The following CPS1 variants were observed in gnomAD, a reference collection of about 807,000 sequenced individuals.
CPS1 encodes carbamoyl-phosphate synthase 1.
A neutral mutation model predicts 174.6 loss-of-function variants in CPS1; 109 were observed. That is an observed-to-expected ratio of 0.62 (90% CI 0.53 to 0.73). The LOEUF (loss-of-function observed/expected upper bound fraction) is 0.73. CPS1 is among the 30% of genes least tolerant of loss of function. The probability of loss-of-function intolerance (pLI) is 0.00; values close to 1 mark genes in which losing one functional copy is unlikely to be tolerated. For missense variants in CPS1, 1,689 were observed against 1,821.9 expected (o/e 0.93, Z 1.33); for synonymous variants, 637 against 632.0 (o/e 1.01, Z -0.12).
At chr2:210,541,649 C>G (rs567485387) in intron 1 of CPS1, among the ~76,000 whole-genome samples, 1 of 152,106 alleles carries the variant, frequency 6.6e-6, no homozygotes, top group Non-Finnish European at 1.5e-5. Flanking sequence ...AAAAACAAAG[C>G]AAAAAGAAAA....
Position 210,656,765 on chromosome 2 carries a change from C to G in CPS1, c.3666+133C>G, listed in dbSNP as rs556445756. 4.3e-6 allele frequency: 3 copies of G among 700,384 alleles called. No homozygotes were observed. In the South Asian group the frequency reaches 4.9e-5, roughly 12 times the overall value. 43.4% of individuals were successfully genotyped at this position (700,384 alleles called of 1,614,324 possible). Reference sequence around the variant, plus strand: ...AGGTTAAATTTAATGATGAGGCTAACTTCCTTGCTCTGAGTCACCTGGGTA... The same window carrying G: ...AGGTTAAATTTAATGATGAGGCTAAGTTCCTTGCTCTGAGTCACCTGGGTA... On this transcript the variant is annotated intron_variant, in intron 30 of 37. Transcript: ENST00000233072.
chr2:210,623,968 T>C (rs981028275), intron 21 of CPS1, among the ~76,000 whole-genome samples: 5 of 152,118 alleles, frequency 3.3e-5, no homozygotes, highest in African/African-American at 1.2e-4. Context: ...ACAATGTATA[T>C]TTTCTGGTAG....
At chr2:210,608,596 TCA>T in intron 19 of CPS1, 37 bp downstream of exon 19, 1 of 1,597,382 alleles carries the variant, frequency 6.3e-7, no homozygotes, top group Non-Finnish European at 8.6e-7. Context: ...CTTCTTGTTC[TCA>T]GTTATTTTGT....
At chr2:210,571,545 T>TACA (rs1697486520) in intron 1 of CPS1, among the ~76,000 whole-genome samples, 1 of 151,924 alleles carries the variant, frequency 6.6e-6, no homozygotes. Context: ...CTAACATAGT[T>TACA]TTGTGTGTAA....
intron 1 of CPS1, among the ~76,000 whole-genome samples, chr2:210,480,683 C>T (rs1156658416): frequency 6.6e-6 from 1 of 152,196 alleles, no homozygotes; most frequent in Non-Finnish European, 1.5e-5. Flanking sequence ...CAGACACACA[C>T]ATACAAAATC....
chr2:210,569,031 TACTC>T (rs746354734), intron 1 of CPS1, among the ~76,000 whole-genome samples: 8 of 152,078 alleles, frequency 5.3e-5, no homozygotes, highest in Non-Finnish European at 1.0e-4. Flanking sequence ...TTCTGCTAAA[TACTC>T]AGTTGATTAT....
intron 32 of CPS1, 127 bp downstream of exon 32, chr2:210,660,782 T>C: frequency 1.1e-6 from 1 of 932,564 alleles, no homozygotes; most frequent in Non-Finnish European, 1.7e-6. Context: ...GATTTACATT[T>C]CCTTTCAATA....
chr2:210,523,402 A>G (rs1160206158), intron 1 of CPS1, among the ~76,000 whole-genome samples: 1 of 151,938 alleles, frequency 6.6e-6, no homozygotes, highest in Non-Finnish European at 1.5e-5. Context: ...TTTTTTGCGT[A>G]ATGGTGCAAT....
intron 28 of CPS1, among the ~76,000 whole-genome samples, chr2:210,653,488 A>C (rs1700617934): frequency 6.6e-6 from 1 of 152,202 alleles, no homozygotes; most frequent in Non-Finnish European, 1.5e-5. Context: ...GAAGTGGCAT[A>C]AGACAAATCA....
chr2:210,627,550 G>C (rs1378751054), intron 21 of CPS1, among the ~76,000 whole-genome samples: 1 of 152,114 alleles, frequency 6.6e-6, no homozygotes, highest in East Asian at 1.9e-4. Context: ...CCTTTATGGG[G>C]CATAAAGCCT....
intron 1 of CPS1, among the ~76,000 whole-genome samples, chr2:210,527,851 C>A (rs1165572563): frequency 1.3e-5 from 2 of 151,670 alleles, no homozygotes; most frequent in Admixed American, 6.6e-5. Flanking sequence ...GGCAGTCATA[C>A]AGCTTTAAAA....
rs998954958 is a variant in CPS1 at position 210,576,595 on chromosome 2, C to A, written c.381+105C>A. Reference sequence around the variant, plus strand: ...AACTTTCTTCCTCAATACGGTAGTACAAATCATTAAGCTCATGTATTCAAT... The same window carrying A: ...AACTTTCTTCCTCAATACGGTAGTAAAAATCATTAAGCTCATGTATTCAAT... On this transcript the variant is annotated intron_variant, in intron 3 of 37. Transcript: ENST00000233072. 2.9e-5 allele frequency: 34 copies of A among 1,179,896 alleles called. No homozygotes were observed. In the African/African-American group the frequency reaches 4.8e-4, roughly 17 times the overall value. 73.1% of individuals were successfully genotyped at this position (1,179,896 alleles called of 1,614,324 possible). A position where few individuals can be genotyped will look rare whatever the true frequency, so the allele number is the denominator to read the frequency against.
chr2:210,650,370 G>T lies in CPS1; in HGVS notation c.3412G>T (p.Ala1138Ser). 6.2e-7 allele frequency: 1 copy of T among 1,613,498 alleles called. No homozygotes were observed. Among genetic ancestry groups the T allele is most frequent in the Middle Eastern group, 1.7e-4 (1 of 6,060 alleles). The stretch of plus-strand genomic sequence containing the variant: ...TTCCCCTTCCTTTTCCAGTGGGTCT[G>T]CTATGAATGTGGTATTCTCTGAGGA... ...LRPSYVLSGS[A>S]MNVVFSEDEM... Residue 1138 changes from alanine (A) to serine (S), a missense_variant, in exon 28 of 38, where the codon GCT becomes TCT. Transcript: ENST00000233072.
At chr2:210,509,498 C>T (rs976246460) in intron 1 of CPS1, among the ~76,000 whole-genome samples, 3 of 152,178 alleles carry the variant, frequency 2.0e-5, no homozygotes, top group African/African-American at 7.2e-5. Flanking sequence ...TCTCACCACT[C>T]CTATTCAACA....
At chr2:210,531,312 G>T (rs1288655375) in intron 1 of CPS1, among the ~76,000 whole-genome samples, 1 of 152,078 alleles carries the variant, frequency 6.6e-6, no homozygotes, top group Non-Finnish European at 1.5e-5. Flanking sequence ...GTACTCTTCT[G>T]CCAGCCTTGG....
At chr2:210,624,527 C>T (rs1699638830) in intron 21 of CPS1, among the ~76,000 whole-genome samples, 1 of 151,928 alleles carries the variant, frequency 6.6e-6, no homozygotes, top group Non-Finnish European at 1.5e-5. Flanking sequence ...ACTCTGTGAA[C>T]TAATGCCAAA....
chr2:210,565,677 G>C lies in CPS1; in HGVS notation c.127-7621G>C, dbSNP rs565089937. ...CATAAAAACATGAGATTTTTAGAAA[G>C]TACAGAAAAATCTCTCTCTCTGTAT... On this transcript the variant is annotated intron_variant, in intron 1 of 37. Transcript: ENST00000233072. Among the ~76,000 whole-genome samples the C allele has an allele frequency of 1.2e-4, 18 of 152,202 alleles. No individual in the cohort carries two copies. In the South Asian group the frequency reaches 1.2e-3, roughly 11 times the overall value.
rs180761228 is a variant in CPS1 at position 210,606,963 on chromosome 2, A to G, written c.2192+22A>G. The G allele has an allele frequency of 1.4e-4, 231 of 1,598,962 alleles. 1 individual carries two copies. The African/African-American group carries it at 2.6e-3, about 18-fold the overall frequency. On this transcript the variant is annotated intron_variant, in intron 18 of 37. Coordinates refer to ENST00000233072, the MANE Select transcript of CPS1 (RefSeq NM_001875.5). ...CTGGGTAAGACCAGAATAATTGACC[A>G]TGGGTTTGCAGATTCTTTTCAGATA...
intron 6 of CPS1, among the ~76,000 whole-genome samples, chr2:210,586,281 T>C (rs750491856): frequency 6.6e-6 from 1 of 151,998 alleles, no homozygotes; most frequent in Non-Finnish European, 1.5e-5. Context: ...AAATTAGATA[T>C]GTAATTACTT....
Sources: allele counts gnomAD v4.1 joint callset (sites outside exome capture counted in the v4.1 genomes callset), GRCh38; gene constraint gnomAD v4.1.1; transcripts MANE v1.5; gene names NCBI Gene and HGNC (gene_info 2026-07-23, HGNC 2026-07-21).